PPP1R9B: variants seen among roughly 807,000 people sequenced by gnomAD.
PPP1R9B encodes neurabin-2.
PPP1R9B carries 17 observed loss-of-function variants against 75.8 expected under a neutral mutation model. The observed-to-expected ratio is 0.22, with a 90% CI of 0.15 to 0.34. The LOEUF is 0.34. Ranked by LOEUF, PPP1R9B falls within the 10% of genes least tolerant of loss-of-function variation. The probability of loss-of-function intolerance (pLI) is 1.00; values close to 1 mark genes in which losing one functional copy is unlikely to be tolerated. For synonymous variants in PPP1R9B, 509 were observed against 535.4 expected (o/e 0.95, Z 0.68); for missense variants, 875 against 1,196.0 (o/e 0.73, Z 3.96).
chr17:50,137,962 A>G (rs1415793284), intron 7 of PPP1R9B, among the ~76,000 whole-genome samples: 4 of 151,230 alleles, frequency 2.6e-5, no homozygotes, highest in African/African-American at 9.8e-5. Flanking sequence ...GGGTACACAC[A>G]CTCCCATGTC....
Position 50,142,950 on chromosome 17 carries a change from C to CA in PPP1R9B, c.1625+647dup, listed in dbSNP as rs1320627797. 6.6e-6 allele frequency among the ~76,000 whole-genome samples: 1 copy of CA among 152,182 alleles called. No individual in the cohort carries two copies. The highest frequency in any genetic ancestry group is 2.4e-5 in the African/African-American group (1 of 41,428). On this transcript the variant is annotated intron_variant, in intron 3 of 9. Coordinates refer to ENST00000612501, the MANE Select transcript of PPP1R9B (RefSeq NM_032595.5). The surrounding 1 kb of genome is among the most constrained non-coding windows in gnomAD (Gnocchi z 4.1). ...AGCCACACCTGCCTGCTCATGGCGC[C>CA]ACTGCCTGGAACCTCTGCACTCACT...
At chr17:50,137,396 G>A (rs571116901) in intron 7 of PPP1R9B, 29 of 152,492 alleles carry the variant, frequency 1.9e-4, no homozygotes, top group African/African-American at 6.7e-4. Context: ...GAACAATACT[G>A]GACATCTAGA....
chr17:50,140,299 C>T, intron 4 of PPP1R9B, 71 bp from the exon 5 acceptor site: 5 of 1,521,344 alleles, frequency 3.3e-6, no homozygotes, highest in Non-Finnish European at 3.5e-6. Context: ...CCTGCTGATG[C>T]TCCCCTCTCC....
intron 7 of PPP1R9B, among the ~76,000 whole-genome samples, chr17:50,138,243 G>T (rs189500198): frequency 6.6e-6 from 1 of 151,698 alleles, no homozygotes; most frequent in Admixed American, 6.6e-5. Flanking sequence ...TGTGTTACTT[G>T]CCCAGATGAG....
rs1712618747 is a variant in PPP1R9B at position 50,140,103 on chromosome 17, T to A, written c.1856A>T (p.Asp619Val). The change falls in exon 5 of 10, where the codon GAT becomes GTT. Residue 619 changes from aspartate (D) to valine (V), a missense_variant. By Grantham distance (152) the Asp-to-Val change is radical (BLOSUM62 -3). Around this residue, in one of 4 missense-constraint regions of PPP1R9B, gnomAD observed 218 missense variants for 334.6 expected, o/e 0.65. Coordinates refer to ENST00000612501, the MANE Select transcript of PPP1R9B (RefSeq NM_032595.5). ...GCAGGGACTCCCTACCTCCTCGTCA[T>A]CCTCCCCATACTGGGCGTATCTCTG... is the stretch of plus-strand genomic sequence containing the variant. ...MEQRYAQYGE[D>V]DEETGEYATD... 1 of 1,613,284 alleles carries A rather than the reference T, an allele frequency of 6.2e-7. No individual in the cohort carries two copies. Among genetic ancestry groups the A allele is most frequent in the African/African-American group, 1.3e-5 (1 of 74,902 alleles).
chr17:50,144,970 A>G, intron 2 of PPP1R9B, 143 bp downstream of exon 2: 1 of 1,011,002 alleles, frequency 9.9e-7, no homozygotes, highest in Non-Finnish European at 1.4e-6. Flanking sequence ...GGAGCGGGGA[A>G]GGTCACCAAG....
Position 50,150,639 on chromosome 17 carries a change from C to G in PPP1R9B, c.-126G>C. 2 of 971,498 alleles carry G rather than the reference C, an allele frequency of 2.1e-6. No homozygotes were observed. Among genetic ancestry groups the G allele is most frequent in the South Asian group, 4.8e-5 (1 of 20,774 alleles). 60.2% of individuals were successfully genotyped at this position (971,498 alleles called of 1,614,324 possible). A position where few individuals can be genotyped will look rare whatever the true frequency, so the allele number is the denominator to read the frequency against. ...AACCCCGAAGGCCTTTTTTAGGGTC[C>G]CCCCAAAACCAAGCTGCCAAAAACA... On this transcript the variant is annotated 5_prime_UTR_variant, in exon 1 of 10. Coordinates refer to ENST00000612501, the MANE Select transcript of PPP1R9B (RefSeq NM_032595.5). This position sits in a 1 kb window ranked among gnomAD's most constrained non-coding sequence, Gnocchi z 8.7.
chr17:50,133,920 C>CG lies in PPP1R9B; in HGVS notation c.*1410dup, dbSNP rs1373841231. The CG allele has an allele frequency of 1.3e-5, 2 of 152,652 alleles. No individual in the cohort carries two copies. The highest frequency in any genetic ancestry group is 4.8e-5 in the African/African-American group (2 of 41,438). The allele number at this position is 152,652 out of a possible 1,614,324, so 9.5% of individuals were successfully genotyped here. A position where few individuals can be genotyped will look rare whatever the true frequency, so the allele number is the denominator to read the frequency against. On this transcript the variant is annotated 3_prime_UTR_variant, in exon 10 of 10. Coordinates refer to ENST00000612501, the MANE Select transcript of PPP1R9B (RefSeq NM_032595.5). ...ACCCGGTTCCGCCCCCTCCATCTGC[C>CG]GGGGTGAAGTGCGCGAGCCCAGGAC...
chr17:50,141,468 T>G, intron 3 of PPP1R9B, 95 bp from the exon 4 acceptor site: 1 of 739,630 alleles, frequency 1.4e-6, no homozygotes, highest in Non-Finnish European at 2.2e-6. Flanking sequence ...CTCCCCAGCC[T>G]GAGTACATAG....
intron 7 of PPP1R9B, among the ~76,000 whole-genome samples, chr17:50,136,616 C>G (rs1912237435): frequency 6.6e-6 from 1 of 152,134 alleles, no homozygotes; most frequent in African/African-American, 2.4e-5. Context: ...CTCTCTGTCC[C>G]CTCTCTGCAG....
intron 2 of PPP1R9B, among the ~76,000 whole-genome samples, chr17:50,144,520 CG>C (rs1182679654): frequency 1.3e-5 from 2 of 152,182 alleles, no homozygotes; most frequent in African/African-American, 4.8e-5. Context: ...AACAAGACCA[CG>C]TGGTCTGCAA....
Position 50,135,964 on chromosome 17 carries a change from G to T in PPP1R9B, c.2303+4C>A. 1.2e-6 allele frequency: 1 copy of T among 865,690 alleles called. No homozygotes were observed. The highest frequency in any genetic ancestry group is 1.8e-6 in the Non-Finnish European group (1 of 570,120). 53.6% of individuals were successfully genotyped at this position (865,690 alleles called of 1,614,324 possible). A position where few individuals can be genotyped will look rare whatever the true frequency, so the allele number is the denominator to read the frequency against. On this transcript the variant is annotated splice_donor_region_variant and intron_variant, in intron 8 of 9. Coordinates refer to ENST00000612501, the MANE Select transcript of PPP1R9B (RefSeq NM_032595.5). ...CCCAGCCCGCCCAGCCCCCAGCCAC[G>T]TACTTCTGCTGGTAGTCCTTGATGA... is the stretch of plus-strand genomic sequence containing the variant.
At chr17:50,143,987 T>A (rs549153915) in intron 2 of PPP1R9B, among the ~76,000 whole-genome samples, 8 of 152,144 alleles carry the variant, frequency 5.3e-5, no homozygotes, top group African/African-American at 1.9e-4. Flanking sequence ...GACTGTTGCA[T>A]ATGCAGACCA....
intron 7 of PPP1R9B, among the ~76,000 whole-genome samples, chr17:50,137,048 C>G (rs1912250373): frequency 6.6e-6 from 1 of 152,204 alleles, no homozygotes; most frequent in Non-Finnish European, 1.5e-5. Context: ...CACAGGCCTT[C>G]CTGCAGATCC....
In PPP1R9B at chr17:50,139,123, C is replaced by T. The variant is rs894874905; in HGVS notation, c.2073+140G>A. The T allele has an allele frequency of 2.2e-6, 2 of 901,866 alleles. No individual in the cohort carries two copies. The highest frequency in any genetic ancestry group is 3.3e-5 in the African/African-American group (2 of 61,376). 55.9% of individuals were successfully genotyped at this position (901,866 alleles called of 1,614,324 possible). A position where few individuals can be genotyped will look rare whatever the true frequency, so the allele number is the denominator to read the frequency against. On this transcript the variant is annotated intron_variant, in intron 7 of 9. Coordinates refer to ENST00000612501, the MANE Select transcript of PPP1R9B (RefSeq NM_032595.5). The surrounding 1 kb of genome is among the most constrained non-coding windows in gnomAD (Gnocchi z 5.0). ...CTTAAGCTCTTAATATCGTATCTAT[C>T]ATATCATCTTGCTTTAGAGCAGCTT...
chr17:50,141,165 G>T, intron 4 of PPP1R9B, 104 bp downstream of exon 4: 1 of 748,916 alleles, frequency 1.3e-6, no homozygotes, highest in Non-Finnish European at 2.2e-6. Context: ...GAACCTCTGT[G>T]AGCTGGGCCA....
chr17:50,147,630 T>A (rs1424370972), intron 1 of PPP1R9B, among the ~76,000 whole-genome samples: 2 of 151,742 alleles, frequency 1.3e-5, no homozygotes, highest in African/African-American at 2.4e-5. Context: ...TCTGAGGGAA[T>A]CGGACTTCTC....
rs1912138941 is a variant in PPP1R9B at position 50,133,956 on chromosome 17, A to C, written c.*1375T>G. The C allele has an allele frequency of 6.6e-6, 1 of 151,022 alleles. No individual in the cohort carries two copies. Among genetic ancestry groups the C allele is most frequent in the Non-Finnish European group, 1.5e-5 (1 of 67,682 alleles). 9.4% of individuals were successfully genotyped at this position (151,022 alleles called of 1,614,324 possible). A position where few individuals can be genotyped will look rare whatever the true frequency, so the allele number is the denominator to read the frequency against. ...GCGCGAGCCCAGGACTGAGACAGCC[A>C]GCTCCTTCAGGGGATGGGGGCACAT... On this transcript the variant is annotated 3_prime_UTR_variant, in exon 10 of 10. Transcript: ENST00000612501.
In PPP1R9B at chr17:50,149,332, G is replaced by T; in HGVS notation, c.1182C>A (p.Asp394Glu). The change falls in exon 1 of 10, where the codon GAC (aspartate) becomes GAA (glutamate). Residue 394 changes from aspartate (D) to glutamate (E), a missense_variant. Asp to Glu is a conservative substitution (Grantham distance 45, BLOSUM62 2). Coordinates refer to ENST00000612501, the MANE Select transcript of PPP1R9B (RefSeq NM_032595.5). The surrounding 1 kb of genome is among the most constrained non-coding windows in gnomAD (Gnocchi z 7.2). ...CCCCGAGCCCACTGTAGGCGCTCACGTCCACCAAGTCCGCCTCCGAGAAGT... is the reference window on the plus strand; with the variant it reads ...CCCCGAGCCCACTGTAGGCGCTCACTTCCACCAAGTCCGCCTCCGAGAAGT... ...KEDFSEADLV[D>E]VSAYSGLGED... is the part of the protein sequence containing the mutation. 6.2e-7 allele frequency: 1 copy of T among 1,613,328 alleles called. No individual in the cohort carries two copies. Among genetic ancestry groups the T allele is most frequent in the South Asian group, 1.1e-5 (1 of 91,034 alleles).
Sources: gnomAD v4.1 joint callset for allele counts (sites outside exome capture counted in the v4.1 genomes callset) on GRCh38, gnomAD v4.1.1 for gene constraint, gnomAD v4.1.1 regional missense constraint, Gnocchi (gnomAD v3.1) non-coding constraint, MANE v1.5 for transcripts, NCBI Gene and HGNC (gene_info 2026-07-23, HGNC 2026-07-21) for gene names.